ST6GALNAC5: variants seen among roughly 807,000 people sequenced by gnomAD.
The protein encoded by ST6GALNAC5 is ST6 N-acetylgalactosaminide alpha-2,6-sialyltransferase 5, also known as alpha-N-acetylgalactosaminide alpha-2,6-sialyltransferase 5.
Under a neutral mutation model 33.6 loss-of-function variants are expected in ST6GALNAC5, and 27 were observed. The observed-to-expected ratio is 0.80, with a 90% confidence interval of 0.59 to 1.11. The LOEUF (loss-of-function observed/expected upper bound fraction) is 1.11. Ranked by LOEUF, ST6GALNAC5 falls within the 50% of genes least tolerant of loss-of-function variation. The probability of loss-of-function intolerance (pLI) is 0.00; values close to 1 mark genes in which losing one functional copy is unlikely to be tolerated. For missense variants in ST6GALNAC5, 428 were observed against 454.0 expected (o/e 0.94, Z 0.52); for synonymous variants, 194 against 171.2 (o/e 1.13, Z -1.04).
intron 2 of ST6GALNAC5, among the ~76,000 whole-genome samples, chr1:76,878,203 G>A (rs1653692459): frequency 6.6e-6 from 1 of 152,144 alleles, no homozygotes; most frequent in African/African-American, 2.4e-5. Context: ...TTTCTAGGTA[G>A]AGCCATCTCT....
At chr1:76,891,721 T>G (rs1654016525) in intron 2 of ST6GALNAC5, among the ~76,000 whole-genome samples, 1 of 152,222 alleles carries the variant, frequency 6.6e-6, no homozygotes, top group South Asian at 2.1e-4. Flanking sequence ...CGCTTTTACA[T>G]TTAGGTCTAT....
chr1:76,901,699 A>C (rs1035247234), intron 2 of ST6GALNAC5, among the ~76,000 whole-genome samples: 47 of 152,194 alleles, frequency 3.1e-4, no homozygotes, highest in Admixed American at 3.0e-3. Flanking sequence ...GAACTGGTTA[A>C]CATTTTCTTG....
rs545919259 is a variant in ST6GALNAC5 at position 76,911,443 on chromosome 1, T to C, written c.261+42701T>C. On this transcript the variant is annotated intron_variant, in intron 2 of 4. Coordinates refer to ENST00000477717, the MANE Select transcript of ST6GALNAC5 (RefSeq NM_030965.3). ...TCTCTGCCCGGCTTTGCTATCAGGA[T>C]GATGCTGGCCTCATAAAATGAGTTA... is the stretch of plus-strand genomic sequence containing the variant. Among the ~76,000 whole-genome samples the C allele has an allele frequency of 3.3e-4, 50 of 152,314 alleles. No individual in the cohort carries two copies. In the East Asian group the frequency reaches 9.1e-3, roughly 28 times the overall value.
rs1182639682 is a variant in ST6GALNAC5 at position 77,064,986 on chromosome 1, G to C, written c.*1780G>C. 2.0e-5 allele frequency: 3 copies of C among 152,082 alleles called. No individual in the cohort carries two copies. 9.4% of individuals were successfully genotyped at this position (152,082 alleles called of 1,614,324 possible). On this transcript the variant is annotated 3_prime_UTR_variant, in exon 5 of 5. Transcript: ENST00000477717. ...AAGTTGATATTGATGTGTATGGCTT[G>C]GGCTGTTCAAAGCCAGTAAGATTGA...
chr1:76,897,664 G>A (rs1044175118), intron 2 of ST6GALNAC5, among the ~76,000 whole-genome samples: 3 of 152,176 alleles, frequency 2.0e-5, no homozygotes, highest in Non-Finnish European at 2.9e-5. Context: ...TTTGGATTGG[G>A]AAGAAGGGCG....
intron 4 of ST6GALNAC5, among the ~76,000 whole-genome samples, chr1:77,058,633 G>C (rs199717): frequency 0.39 from 58,868 of 152,096 alleles, 12,213 homozygotes; most frequent in African/African-American, 0.53. Context: ...GCCAAATAAG[G>C]CTTTTTTCTT....
chr1:77,003,432 T>C (rs946534820), intron 2 of ST6GALNAC5, among the ~76,000 whole-genome samples: 134 of 150,820 alleles, frequency 8.9e-4, no homozygotes, highest in African/African-American at 3.1e-3. Context: ...TGATGGCTCT[T>C]GACTCTTTAT....
At chr1:76,905,618 T>C (rs567055591) in intron 2 of ST6GALNAC5, among the ~76,000 whole-genome samples, 1 of 152,354 alleles carries the variant, frequency 6.6e-6, no homozygotes, top group Non-Finnish European at 1.5e-5. Flanking sequence ...AAGGAGATTT[T>C]CTTTGAGTTC....
At chr1:76,896,601 T>A (rs1040293365) in intron 2 of ST6GALNAC5, among the ~76,000 whole-genome samples, 2 of 152,000 alleles carry the variant, frequency 1.3e-5, no homozygotes, top group Non-Finnish European at 2.9e-5. Flanking sequence ...ATGAGGTGGA[T>A]CAGAGAGATA....
At chr1:76,892,768 A>G (rs1654041017) in intron 2 of ST6GALNAC5, among the ~76,000 whole-genome samples, 1 of 152,194 alleles carries the variant, frequency 6.6e-6, no homozygotes, top group Non-Finnish European at 1.5e-5. Flanking sequence ...AAACAGACAA[A>G]CCAACATAAA....
chr1:76,942,974 A>G (rs1647390482), intron 2 of ST6GALNAC5, among the ~76,000 whole-genome samples: 1 of 152,096 alleles, frequency 6.6e-6, no homozygotes. Flanking sequence ...ATGAAAAACA[A>G]CTCTATGTCC....
intron 2 of ST6GALNAC5, among the ~76,000 whole-genome samples, chr1:77,007,929 G>A (rs1650489361): frequency 6.6e-6 from 1 of 152,210 alleles, no homozygotes; most frequent in South Asian, 2.1e-4. Context: ...ACAGCTCAAA[G>A]GGCACTGAAG....
intron 2 of ST6GALNAC5, among the ~76,000 whole-genome samples, chr1:76,954,467 C>T (rs957619127): frequency 5.3e-5 from 8 of 151,996 alleles, no homozygotes; most frequent in African/African-American, 1.9e-4. Context: ...TTGCAGCAAA[C>T]CACCATGGCA....
chr1:77,058,567 C>G (rs1334349969), intron 4 of ST6GALNAC5, among the ~76,000 whole-genome samples: 1 of 152,212 alleles, frequency 6.6e-6, no homozygotes, highest in Non-Finnish European at 1.5e-5. Context: ...GTGGAAGCAG[C>G]CTGGGGCTCT....
At chr1:76,936,702 T>C (rs1647207600) in intron 2 of ST6GALNAC5, among the ~76,000 whole-genome samples, 1 of 152,104 alleles carries the variant, frequency 6.6e-6, no homozygotes, top group Non-Finnish European at 1.5e-5. Context: ...GTTTGTGAGG[T>C]TGTCCAAAGG....
chr1:76,992,068 C>A (rs1649758503), intron 2 of ST6GALNAC5, among the ~76,000 whole-genome samples: 1 of 151,992 alleles, frequency 6.6e-6, no homozygotes, highest in Admixed American at 6.6e-5. Context: ...GTCAGCTTCC[C>A]AAACCCATGA....
At position 77,044,587 on chromosome 1, in the gene ST6GALNAC5, C is replaced by A. The variant is rs771951279; in HGVS notation, c.645C>A (p.Leu215=). 1.9e-6 allele frequency: 3 copies of A among 1,566,776 alleles called. No homozygotes were observed. The Admixed American group carries it at 5.3e-5, about 28-fold the overall frequency. Residue 215 remains leucine (L), a synonymous_variant, in exon 3 of 5, where the codon CTC becomes CTA. Coordinates refer to ENST00000477717, the MANE Select transcript of ST6GALNAC5 (RefSeq NM_030965.3). ...TRHKMLQFDE[L]FKQETGKDRK... ...ACAAGATGCTGCAGTTTGATGAGCTCTTCAAGCAGGAGACTGGCAAAGACA... is the reference window on the plus strand; with the variant it reads ...ACAAGATGCTGCAGTTTGATGAGCTATTCAAGCAGGAGACTGGCAAAGACA...
At chr1:76,916,477 A>T (rs1646976380) in intron 2 of ST6GALNAC5, among the ~76,000 whole-genome samples, 1 of 152,168 alleles carries the variant, frequency 6.6e-6, no homozygotes, top group Admixed American at 6.6e-5. Flanking sequence ...TTTCTCCTCC[A>T]GTTGCCATTC....
intron 2 of ST6GALNAC5, among the ~76,000 whole-genome samples, chr1:76,894,473 G>A (rs1033320677): frequency 1.3e-5 from 2 of 151,246 alleles, no homozygotes; most frequent in African/African-American, 4.9e-5. Context: ...CGCAGGAAGA[G>A]GCAGGGGGGG....
Sources: allele counts gnomAD v4.1 joint callset (sites outside exome capture counted in the v4.1 genomes callset), GRCh38; gene constraint gnomAD v4.1.1; transcripts MANE v1.5; gene names NCBI Gene and HGNC (gene_info 2026-07-23, HGNC 2026-07-21).